Variants in FBLIM1 observed in about 807,000 individuals in gnomAD.
The protein encoded by FBLIM1 is filamin-binding LIM protein 1.
Under a neutral mutation model 37.4 loss-of-function variants are expected in FBLIM1, and 29 were observed. That is an observed-to-expected ratio of 0.77 (90% CI 0.58 to 1.06). The LOEUF (loss-of-function observed/expected upper bound fraction) is 1.06. Among genes scored for constraint, FBLIM1 ranks in the 50% least tolerant of loss-of-function variants. FBLIM1 has a pLI of 0.00. For missense variants in FBLIM1, 449 were observed against 505.6 expected, an observed-to-expected ratio of 0.89 and a Z score of 1.07; for synonymous variants, 193 against 199.0, an observed-to-expected ratio of 0.97 and a Z score of 0.25.
In FBLIM1 at chr1:15,765,722, GCTGCCAT is replaced by G. The variant is rs972384782; in HGVS notation, c.250+501_250+507del. The stretch of plus-strand genomic sequence containing the variant: ...CTGCTTGAAGCCGTCTACACCGAAG[GCTGCCAT>G]CTGCCATCTGCTTAGTACTTGTCCT... On this transcript the variant is annotated intron_variant, in intron 3 of 8. Coordinates refer to ENST00000375766, the MANE Select transcript of FBLIM1 (RefSeq NM_017556.4). This position sits in a 1 kb window ranked among gnomAD's most constrained non-coding sequence, Gnocchi z 5.9. Among the ~76,000 whole-genome samples the G allele has an allele frequency of 3.5e-4, 54 of 152,268 alleles. No individual in the cohort carries two copies. Among genetic ancestry groups the G allele is most frequent in the African/African-American group, 1.2e-3 (50 of 41,546 alleles).
chr1:15,770,422 C>A lies in FBLIM1; in HGVS notation c.555C>A (p.Phe185Leu). 1 of 1,613,232 alleles carries A rather than the reference C, an allele frequency of 6.2e-7. No individual in the cohort carries two copies. ...EKGASTDICAFCHKTVSPREL... is the reference protein window; with the variant it reads ...EKGASTDICALCHKTVSPREL... ...CCCCTACCCCAGACATCTGTGCCTT[C>A]TGCCACAAGACCGTGTCCCCCCGAG... The change falls in exon 6 of 9, where the codon TTC (phenylalanine) becomes TTA (leucine). Residue 185 changes from phenylalanine to leucine, a missense_variant. By Grantham distance (22) the Phe-to-Leu change is conservative. Coordinates refer to ENST00000375766, the MANE Select transcript of FBLIM1 (RefSeq NM_017556.4).
At chr1:15,770,372 G>T in intron 5 of FBLIM1, 37 bp from the exon 6 acceptor site, 2 of 1,600,624 alleles carry the variant, frequency 1.2e-6, no homozygotes, top group Non-Finnish European at 1.7e-6. Flanking sequence ...GTCCTCACAG[G>T]CTGGGCTGGT....
rs764818921 is a variant in FBLIM1 at position 15,765,263 on chromosome 1, C to T, written c.250+30C>T. The T allele has an allele frequency of 1.9e-5, 30 of 1,584,572 alleles. No homozygotes were observed. In the South Asian group the frequency reaches 3.4e-4, roughly 18 times the overall value. On this transcript the variant is annotated intron_variant, in intron 3 of 8. Transcript: ENST00000375766. This position sits in a 1 kb window ranked among gnomAD's most constrained non-coding sequence, Gnocchi z 5.9. ...GAGCTGAGGGGACTTTGGGGAAGAC[C>T]ACGTCAGAGGCAGAGGTGGGGAGGA... is the stretch of plus-strand genomic sequence containing the variant.
intron 8 of FBLIM1, among the ~76,000 whole-genome samples, chr1:15,781,760 C>T (rs562905569): frequency 6.9e-6 from 1 of 145,874 alleles, no homozygotes; most frequent in South Asian, 2.3e-4. Flanking sequence ...GCTCTGTCGC[C>T]CAGGCTGGAG....
At chr1:15,764,933 A>C in intron 2 of FBLIM1, 31 bp from the exon 3 acceptor site, 1 of 1,552,924 alleles carries the variant, frequency 6.4e-7, no homozygotes, top group South Asian at 1.2e-5. Context: ...TCTGGGTGGC[A>C]ATCCTGTGCT....
rs1044630893 is a variant in FBLIM1 at position 15,770,291 on chromosome 1, T to C, written c.542-118T>C. The C allele has an allele frequency of 8.6e-6, 9 of 1,050,610 alleles. No homozygotes were observed. In the African/African-American group the frequency reaches 1.1e-4, roughly 13 times the overall value. The allele number at this position is 1,050,610 out of a possible 1,614,324, so 65.1% of individuals were successfully genotyped here. ...CCTCATGACCCTCTGTATTTGTCAT[T>C]TGAGGAATTTGCAGGGTTTAAGACA... On this transcript the variant is annotated intron_variant, in intron 5 of 8. Coordinates refer to ENST00000375766, the MANE Select transcript of FBLIM1 (RefSeq NM_017556.4).
intron 3 of FBLIM1, 71 bp from the exon 4 acceptor site, chr1:15,767,305 T>G: frequency 7.1e-7 from 1 of 1,408,146 alleles, no homozygotes; most frequent in Non-Finnish European, 9.5e-7. Flanking sequence ...TGTATGGCCA[T>G]GTAGGTAAGT....
intron 4 of FBLIM1, 62 bp downstream of exon 4, chr1:15,767,625 C>A: frequency 1.8e-6 from 1 of 561,524 alleles, no homozygotes; most frequent in Non-Finnish European, 3.1e-6. Flanking sequence ...CACGGGGAGT[C>A]TGGGCCTTCT....
At chr1:15,759,043 C>A (rs562137741) in intron 1 of FBLIM1, among the ~76,000 whole-genome samples, 195 bp downstream of exon 1, 1 of 152,066 alleles carries the variant, frequency 6.6e-6, no homozygotes, top group Non-Finnish European at 1.5e-5. Context: ...TGGTCTCTCT[C>A]CCCGGAGTCG....
upstream of FBLIM1, chr1:15,758,080 C>G (rs1189174841): frequency 6.6e-6 from 1 of 152,288 alleles, no homozygotes; most frequent in Non-Finnish European, 1.5e-5. This position sits in a 1 kb window ranked among gnomAD's most constrained non-coding sequence, Gnocchi z 6.2. Flanking sequence ...AGACCCCCAC[C>G]CTCAGGAACA....
chr1:15,774,739 A>G lies in FBLIM1; in HGVS notation c.833A>G (p.Asp278Gly). ...GTGACCTGCGCCCGGTGCATTGGGG[A>G]TGAGAGCTTTGCCCTGGGCAGCCAG... ...TCVTCARCIG[D>G]ESFALGSQNE... is the part of the protein sequence containing the mutation. The change falls in exon 7 of 9, where the codon GAT (aspartate) becomes GGT (glycine). Residue 278 changes from aspartate to glycine, a missense_variant. Transcript: ENST00000375766. 6.2e-7 allele frequency: 1 copy of G among 1,613,990 alleles called. No individual in the cohort carries two copies. Among genetic ancestry groups the G allele is most frequent in the Non-Finnish European group, 8.5e-7 (1 of 1,179,972 alleles).
intron 8 of FBLIM1, among the ~76,000 whole-genome samples, chr1:15,783,439 G>A (rs1179630345): frequency 6.6e-6 from 1 of 151,998 alleles, no homozygotes; most frequent in African/African-American, 2.4e-5. Context: ...CTCCTCCCTG[G>A]ACCTTGGTAT....
chr1:15,781,507 C>T (rs1429345618), intron 8 of FBLIM1, among the ~76,000 whole-genome samples: 1 of 112,914 alleles, frequency 8.9e-6, no homozygotes, highest in Admixed American at 1.1e-4. Context: ...GGCAACAGAG[C>T]AAGACTCTGT....
chr1:15,773,293 G>C (rs982283573), intron 6 of FBLIM1, among the ~76,000 whole-genome samples: 1 of 151,732 alleles, frequency 6.6e-6, no homozygotes, highest in Non-Finnish European at 1.5e-5. Flanking sequence ...TGAGGCAGGA[G>C]AATCACTTGA....
intron 2 of FBLIM1, 126 bp from the exon 3 acceptor site, chr1:15,764,838 A>G (rs959892088): frequency 8.6e-7 from 1 of 1,165,518 alleles, no homozygotes; most frequent in Non-Finnish European, 1.2e-6. Context: ...TGGGTGCTGG[A>G]CTGAGTTGTT....
intron 6 of FBLIM1, among the ~76,000 whole-genome samples, chr1:15,773,855 T>C (rs1040502909): frequency 6.0e-5 from 9 of 150,140 alleles, no homozygotes; most frequent in Non-Finnish European, 1.3e-4. Flanking sequence ...CCAAAATGTG[T>C]GAGGAAGCCA....
chr1:15,766,103 A>T (rs917878055), intron 3 of FBLIM1, among the ~76,000 whole-genome samples: 4 of 146,516 alleles, frequency 2.7e-5, no homozygotes, highest in African/African-American at 7.5e-5. Context: ...GAGAATTTGC[A>T]TTTTTTTTTT....
intron 6 of FBLIM1, among the ~76,000 whole-genome samples, chr1:15,771,706 C>T (rs776022101): frequency 6.6e-6 from 1 of 151,960 alleles, no homozygotes. Context: ...GGATAATCTC[C>T]CCCATCTTAA....
upstream of FBLIM1, among the ~76,000 whole-genome samples, chr1:15,756,885 G>A (rs1160191076): frequency 1.3e-5 from 2 of 152,206 alleles, no homozygotes; most frequent in East Asian, 1.9e-4. Context: ...TGCAACAGGT[G>A]GTTCAGGGGC....
Sources: allele counts gnomAD v4.1 joint callset (sites outside exome capture counted in the v4.1 genomes callset), GRCh38; gene constraint gnomAD v4.1.1; non-coding constraint Gnocchi (gnomAD v3.1); transcripts MANE v1.5; gene names NCBI Gene and HGNC (gene_info 2026-07-23, HGNC 2026-07-21).